The following CSMD1 variants were observed in gnomAD, a reference collection of about 807,000 sequenced individuals.
CSMD1 encodes CUB and sushi domain-containing protein 1.
CSMD1 carries 213 observed loss-of-function variants against 417.5 expected under a neutral mutation model. The observed-to-expected ratio is 0.51, with a 90% CI of 0.46 to 0.57. The LOEUF (loss-of-function observed/expected upper bound fraction) is 0.57. CSMD1 is among the 20% of genes least tolerant of loss of function. The probability of loss-of-function intolerance (pLI) is 0.00; values close to 1 mark genes in which losing one functional copy is unlikely to be tolerated. For missense variants in CSMD1, 6,923 were observed against 4,529.7 expected (o/e 1.53, Z -15.17); for synonymous variants, 2,862 against 1,736.8 (o/e 1.65, Z -16.11).
intron 5 of CSMD1, among the ~76,000 whole-genome samples, chr8:3,935,757 G>A (rs974661302): frequency 7.2e-5 from 11 of 152,266 alleles, no homozygotes; most frequent in South Asian, 2.1e-4. Context: ...GTGAGACACA[G>A]CAATAATCAA....
chr8:4,260,026 T>C (rs1171628573), intron 3 of CSMD1, among the ~76,000 whole-genome samples: 1 of 1,424 alleles, frequency 7.0e-4, no homozygotes, highest in East Asian at 0.5. Context: ...TTGTGCACAC[T>C]TTTTTTTTTT....
rs554039865 is a variant in CSMD1 at position 4,053,414 on chromosome 8, TC to T, written c.416-21316del. On this transcript the variant is annotated intron_variant, in intron 3 of 69. Transcript: ENST00000635120. ...CTGCCTCTACCTTGGTGTGAATAGC[TC>T]CCACCACCTGCTTTTTATCATGGTC... Among the ~76,000 whole-genome samples, 33 of 151,128 alleles carry T rather than the reference TC, an allele frequency of 2.2e-4. No individual in the cohort carries two copies. In the East Asian group the frequency reaches 6.5e-3, roughly 30 times the overall value.
At chr8:3,307,903 AT>A in intron 24 of CSMD1, 82 bp from the exon 25 acceptor site, 1 of 1,466,534 alleles carries the variant, frequency 6.8e-7, no homozygotes, top group Non-Finnish European at 9.3e-7. Flanking sequence ...AACCAAAGCC[AT>A]TATGTCTGCA....
intron 3 of CSMD1, among the ~76,000 whole-genome samples, chr8:4,366,800 T>G (rs918571247): frequency 1.3e-5 from 2 of 152,198 alleles, no homozygotes; most frequent in East Asian, 3.9e-4. Context: ...GCTGCTGTGC[T>G]GCACCCATTA....
intron 5 of CSMD1, among the ~76,000 whole-genome samples, chr8:3,889,718 G>A (rs62480070): frequency 0.052 from 7,888 of 151,454 alleles, 274 homozygotes; most frequent in South Asian, 0.13. Flanking sequence ...TTGAGCTATG[G>A]ATTTTGTGAA....
chr8:4,123,334 A>C (rs1466593501), intron 3 of CSMD1, among the ~76,000 whole-genome samples: 1 of 152,232 alleles, frequency 6.6e-6, no homozygotes, highest in Non-Finnish European at 1.5e-5. Context: ...CATGCCAATT[A>C]GTAGGCTCAG....
chr8:4,299,592 A>G, intron 3 of CSMD1, among the ~76,000 whole-genome samples: 1 of 152,186 alleles, frequency 6.6e-6, no homozygotes, highest in Non-Finnish European at 1.5e-5. Flanking sequence ...AATATGCCCC[A>G]TATTGGCCAA....
At chr8:4,022,409 A>G (rs1796835377) in intron 4 of CSMD1, among the ~76,000 whole-genome samples, 1 of 152,120 alleles carries the variant, frequency 6.6e-6, no homozygotes, top group Admixed American at 6.5e-5. Flanking sequence ...TTTTCTATGT[A>G]CAGTTTGTAC....
intron 3 of CSMD1, among the ~76,000 whole-genome samples, chr8:4,347,036 C>T (rs375681489): frequency 5.2e-4 from 79 of 152,220 alleles, no homozygotes; most frequent in Non-Finnish European, 1.0e-3. Flanking sequence ...TTTATTATTT[C>T]CTCTAATTAT....
At chr8:4,893,204 T>C (rs1244128698) in intron 1 of CSMD1, among the ~76,000 whole-genome samples, 1 of 152,178 alleles carries the variant, frequency 6.6e-6, no homozygotes, top group Non-Finnish European at 1.5e-5. Context: ...CTCACTAAAA[T>C]AGTTGTATTG....
chr8:4,753,406 CACACA>C (rs1563296598), intron 1 of CSMD1, among the ~76,000 whole-genome samples: 1,651 of 52,618 alleles, frequency 0.031, 36 homozygotes, highest in African/African-American at 0.063. Flanking sequence ...CCATAAACCA[CACACA>C]CACACACACA....
intron 6 of CSMD1, among the ~76,000 whole-genome samples, chr8:3,745,920 C>T (rs1005592814): frequency 6.6e-6 from 1 of 152,186 alleles, no homozygotes; most frequent in African/African-American, 2.4e-5. Context: ...AACCTGGTCA[C>T]AGCAGCAGGC....
rs375585464 is a variant in CSMD1 at position 3,873,990 on chromosome 8, T to C, written c.819-119948A>G. Among the ~76,000 whole-genome samples, 3 of 152,312 alleles carry C rather than the reference T, an allele frequency of 2.0e-5. No individual in the cohort carries two copies. The East Asian group carries it at 5.8e-4, about 30-fold the overall frequency. On this transcript the variant is annotated intron_variant, in intron 5 of 69. Transcript: ENST00000635120. ...GCTGTGTTGGTGACATAGGTCTGTT[T>C]ATACACACTGTGCGGCTGTAGAACT... is the stretch of plus-strand genomic sequence containing the variant.
At chr8:4,401,136 G>C (rs534122450) in intron 3 of CSMD1, among the ~76,000 whole-genome samples, 3 of 152,260 alleles carry the variant, frequency 2.0e-5, no homozygotes, top group African/African-American at 7.2e-5. Flanking sequence ...GCTTCTGTTT[G>C]AAGCTGGGAG....
intron 7 of CSMD1, among the ~76,000 whole-genome samples, chr8:3,687,822 T>C (rs1412855428): frequency 6.6e-6 from 1 of 152,182 alleles, no homozygotes; most frequent in East Asian, 1.9e-4. Context: ...TCGAGAAAGG[T>C]AGCACTGCTC....
chr8:4,284,222 G>A (rs966946494), intron 3 of CSMD1, among the ~76,000 whole-genome samples: 1 of 152,090 alleles, frequency 6.6e-6, no homozygotes, highest in Admixed American at 6.6e-5. Flanking sequence ...ACAAAAATTA[G>A]CTGGGCGTGG....
intron 1 of CSMD1, among the ~76,000 whole-genome samples, chr8:4,847,605 C>T (rs1268137756): frequency 2.0e-5 from 3 of 151,998 alleles, no homozygotes; most frequent in Non-Finnish European, 4.4e-5. Context: ...TGCCTAATAT[C>T]GTTTATCTCT....
intron 5 of CSMD1, among the ~76,000 whole-genome samples, chr8:3,976,292 T>C (rs1813430607): frequency 1.3e-5 from 2 of 150,844 alleles, no homozygotes; most frequent in African/African-American, 2.5e-5. Flanking sequence ...TGTCAGGTTA[T>C]ACTTATCATT....
intron 5 of CSMD1, among the ~76,000 whole-genome samples, chr8:3,843,877 G>T (rs1386576736): frequency 1.3e-5 from 2 of 152,194 alleles, no homozygotes; most frequent in Non-Finnish European, 2.9e-5. Flanking sequence ...GATATTGTGA[G>T]TACAATTTAG....
Sources: gnomAD v4.1 joint callset for allele counts (sites outside exome capture counted in the v4.1 genomes callset) on GRCh38, gnomAD v4.1.1 for gene constraint, MANE v1.5 for transcripts, NCBI Gene and HGNC (gene_info 2026-07-23, HGNC 2026-07-21) for gene names.